MACROH2A2: variants seen among roughly 807,000 people sequenced by gnomAD.
The protein encoded by MACROH2A2 is macroH2A.2 histone.
A neutral mutation model predicts 37.6 loss-of-function variants in MACROH2A2; 6 were observed. That is an observed-to-expected ratio of 0.16 (90% CI 0.09 to 0.32). The LOEUF is 0.32. Ranked by LOEUF, MACROH2A2 falls within the 10% of genes least tolerant of loss-of-function variation. MACROH2A2 has a pLI of 1.00. For synonymous variants in MACROH2A2, 192 were observed against 202.7 expected (o/e 0.95, Z 0.45); for missense variants, 290 against 485.9 (o/e 0.60, Z 3.79).
intron 4 of MACROH2A2, among the ~76,000 whole-genome samples, chr10:70,093,438 G>A (rs934937177): frequency 3.3e-5 from 5 of 152,174 alleles, no homozygotes; most frequent in African/African-American, 1.2e-4. Context: ...GATGCTTGTC[G>A]TCGTGAGCTG....
chr10:70,091,612 T>G (rs1268358825), intron 3 of MACROH2A2, 145 bp from the exon 4 acceptor site: 1 of 594,452 alleles, frequency 1.7e-6, no homozygotes, highest in Non-Finnish European at 2.9e-6. Flanking sequence ...AGGCGGAGGC[T>G]GCAGTGAGCC....
intron 1 of MACROH2A2, among the ~76,000 whole-genome samples, chr10:70,068,167 A>G (rs1462012504): frequency 1.3e-5 from 2 of 152,188 alleles, no homozygotes; most frequent in African/African-American, 4.8e-5. Context: ...AAATATTTAA[A>G]TAATTTCTTT....
rs529218448 is a variant in MACROH2A2 at position 70,060,633 on chromosome 10, G to A, written c.-60+7633G>A. On this transcript the variant is annotated intron_variant, in intron 1 of 8. Transcript: ENST00000373255. ...CACTCACCCTAGCCCCTAACGGTGCGCCTGCACACCTCTACTCCCATTTGG... is the reference window on the plus strand; with the variant it reads ...CACTCACCCTAGCCCCTAACGGTGCACCTGCACACCTCTACTCCCATTTGG... Among the ~76,000 whole-genome samples, 8 of 152,298 alleles carry A rather than the reference G, an allele frequency of 5.3e-5. No homozygotes were observed. In the South Asian group the frequency reaches 8.3e-4, roughly 16 times the overall value.
At chr10:70,097,790 T>G (rs1235254024) in intron 6 of MACROH2A2, among the ~76,000 whole-genome samples, 3 of 152,226 alleles carry the variant, frequency 2.0e-5, no homozygotes, top group Non-Finnish European at 2.9e-5. Context: ...CAATTCCAGT[T>G]ACATCATAAA....
intron 1 of MACROH2A2, among the ~76,000 whole-genome samples, chr10:70,070,056 C>G (rs559987989): frequency 1.2e-4 from 19 of 152,092 alleles, no homozygotes; most frequent in Admixed American, 9.8e-4. Flanking sequence ...TAAGCCCCTC[C>G]TTGCTTCCCC....
chr10:70,076,110 C>G lies in MACROH2A2; in HGVS notation c.172+280C>G, dbSNP rs138013510. ...TAGACCAGTCCTGCAAAAGATATGT[C>G]TTGCTTTAAGCGAATGCAATATATA... On this transcript the variant is annotated intron_variant, in intron 2 of 8. Coordinates refer to ENST00000373255, the MANE Select transcript of MACROH2A2 (RefSeq NM_018649.3). 2.1e-3 allele frequency among the ~76,000 whole-genome samples: 313 copies of G among 152,318 alleles called. 4 individuals are homozygous for G. The highest frequency in any genetic ancestry group is 8.2e-4 in the Non-Finnish European group (56 of 68,034).
chr10:70,071,206 C>T (rs1041300457), intron 1 of MACROH2A2, among the ~76,000 whole-genome samples: 1 of 152,140 alleles, frequency 6.6e-6, no homozygotes, highest in Non-Finnish European at 1.5e-5. Context: ...ACACCATATT[C>T]ACAGAGCACG....
chr10:70,091,543 C>T (rs1589837718), intron 3 of MACROH2A2, among the ~76,000 whole-genome samples: 1 of 152,106 alleles, frequency 6.6e-6, no homozygotes, highest in African/African-American at 2.4e-5. Context: ...GGGGTGGTGG[C>T]AGGTGCCTGT....
chr10:70,109,273 T>C lies in MACROH2A2; in HGVS notation c.953+66T>C. The C allele has an allele frequency of 2.2e-6, 3 of 1,355,552 alleles. No individual in the cohort carries two copies. In the South Asian group the frequency reaches 3.6e-5, roughly 16 times the overall value. The allele number at this position is 1,355,552 out of a possible 1,614,324, so 84.0% of individuals were successfully genotyped here. On this transcript the variant is annotated intron_variant, in intron 8 of 8. Transcript: ENST00000373255. Reference sequence around the variant, plus strand: ...CCCTGGAAATCAGCTGCTCCCCCACTTACATCTGATCTGGGTGTTGCCAAG... The same window carrying C: ...CCCTGGAAATCAGCTGCTCCCCCACCTACATCTGATCTGGGTGTTGCCAAG...
intron 2 of MACROH2A2, among the ~76,000 whole-genome samples, chr10:70,076,419 A>G (rs905751785): frequency 2.1e-5 from 3 of 140,276 alleles, no homozygotes; most frequent in Admixed American, 8.9e-5. Flanking sequence ...ATTTGTTGTT[A>G]AAGTTAATTT....
intron 1 of MACROH2A2, among the ~76,000 whole-genome samples, chr10:70,072,737 A>C (rs2072117872): frequency 6.6e-6 from 1 of 152,042 alleles, no homozygotes; most frequent in African/African-American, 2.4e-5. Context: ...AAGATGGATC[A>C]CTTGAGGTCA....
At chr10:70,063,604 T>G (rs1035002059) in intron 1 of MACROH2A2, among the ~76,000 whole-genome samples, 1 of 152,246 alleles carries the variant, frequency 6.6e-6, no homozygotes, top group Non-Finnish European at 1.5e-5. Flanking sequence ...AGCAGCATAC[T>G]CATTTCTAGG....
chr10:70,076,881 T>A (rs977398682), intron 2 of MACROH2A2, among the ~76,000 whole-genome samples: 1 of 152,040 alleles, frequency 6.6e-6, no homozygotes, highest in African/African-American at 2.4e-5. Context: ...GCCCTCTTAG[T>A]CCCCATCGCC....
At chr10:70,074,345 C>G (rs1326657281) in intron 1 of MACROH2A2, among the ~76,000 whole-genome samples, 1 of 152,228 alleles carries the variant, frequency 6.6e-6, no homozygotes, top group Non-Finnish European at 1.5e-5. Flanking sequence ...ATTCCTCATT[C>G]CAAGGAACAG....
At chr10:70,093,294 A>G (rs1309123549) in intron 4 of MACROH2A2, among the ~76,000 whole-genome samples, 1 of 152,236 alleles carries the variant, frequency 6.6e-6, no homozygotes, top group Admixed American at 6.5e-5. Flanking sequence ...TATTTCCACG[A>G]TCACAGAAAG....
chr10:70,069,576 CA>C lies in MACROH2A2; in HGVS notation c.-59-6023del, dbSNP rs2072097480. Among the ~76,000 whole-genome samples, 6 of 152,236 alleles carry C rather than the reference CA, an allele frequency of 3.9e-5. 1 individual carries two copies. The South Asian group carries it at 1.2e-3, about 32-fold the overall frequency. On this transcript the variant is annotated intron_variant, in intron 1 of 8. Transcript: ENST00000373255. ...ATTGCCCACATGGTGTCTCTGAGGA[CA>C]CCAAGAGCTGCGTCCAGCCATATTC... is the stretch of plus-strand genomic sequence containing the variant.
rs969261400 is a variant in MACROH2A2, at chr10:70,101,654, G to A, written c.778+1357G>A. Among the ~76,000 whole-genome samples the A allele has an allele frequency of 2.1e-5, 3 of 143,528 alleles. No homozygotes were observed. In the Admixed American group the frequency reaches 2.1e-4, roughly 10 times the overall value. 94.2% of individuals were successfully genotyped at this position (143,528 alleles called of 152,430 possible). On this transcript the variant is annotated intron_variant, in intron 7 of 8. Coordinates refer to ENST00000373255, the MANE Select transcript of MACROH2A2 (RefSeq NM_018649.3). ...AACCCCCTAACCATTAAGCAGTCAT[G>A]CCCAGTGCCCCCCTCAGGCCCTGGC...
At chr10:70,078,564 G>T (rs2072154513) in intron 2 of MACROH2A2, among the ~76,000 whole-genome samples, 1 of 152,182 alleles carries the variant, frequency 6.6e-6, no homozygotes, top group South Asian at 2.1e-4. Context: ...CTGAGCTCCA[G>T]GTGTTTCCAG....
At chr10:70,111,269 A>C (rs1357074165) in intron 8 of MACROH2A2, among the ~76,000 whole-genome samples, 1 of 152,192 alleles carries the variant, frequency 6.6e-6, no homozygotes, top group Non-Finnish European at 1.5e-5. Flanking sequence ...ACTCCATCCC[A>C]AAACAAATAA....
Sources: gnomAD v4.1 joint callset for allele counts (sites outside exome capture counted in the v4.1 genomes callset) on GRCh38, gnomAD v4.1.1 for gene constraint, MANE v1.5 for transcripts, NCBI Gene and HGNC (gene_info 2026-07-23, HGNC 2026-07-21) for gene names.